COL9A3: variants seen among roughly 807,000 people sequenced by gnomAD.
COL9A3 encodes the protein collagen type IX alpha 3 chain.
A neutral mutation model predicts 110.2 loss-of-function variants in COL9A3; 82 were observed. The ratio of observed to expected loss-of-function variants is 0.74; its 90% confidence interval spans 0.62 to 0.89. The LOEUF (loss-of-function observed/expected upper bound fraction) is 0.89, where lower values mean the gene tolerates loss of function less well. COL9A3 is among the 40% of genes least tolerant of loss of function. The pLI is 0.00. For synonymous variants in COL9A3, 494 were observed against 403.8 expected (o/e 1.22, Z -2.68); for missense variants, 1,066 against 981.3 (o/e 1.09, Z -1.15).
At position 62,824,970 on chromosome 20, in the gene COL9A3, A is replaced by T; in HGVS notation, c.579A>T (p.Gly193=). The change falls in exon 12 of 32, where the codon GGA becomes GGT. Residue 193 remains glycine (G), a splice_region_variant and synonymous_variant. Transcript: ENST00000649368. ...AGTGACCCCACATTTGCTTGCAGGG[A>T]CCCACTGGCTACAAAGGCGAGCAGG... is the stretch of plus-strand genomic sequence containing the variant. The part of the protein sequence containing the change: ...PGPPGMPGFK[G]PTGYKGEQGE... The T allele has an allele frequency of 6.2e-7, 1 of 1,609,342 alleles. No homozygotes were observed. The highest frequency in any genetic ancestry group is 8.5e-7 in the Non-Finnish European group (1 of 1,179,038).
intron 20 of COL9A3, 56 bp downstream of exon 20, chr20:62,829,555 A>C: frequency 6.8e-7 from 1 of 1,469,308 alleles, no homozygotes; most frequent in Non-Finnish European, 9.5e-7. Flanking sequence ...CCGGGAGGCA[A>C]GGGGCTGGGG....
At chr20:62,822,887 A>C (rs2063522570) in intron 10 of COL9A3, among the ~76,000 whole-genome samples, 1 of 151,888 alleles carries the variant, frequency 6.6e-6, no homozygotes, top group Non-Finnish European at 1.5e-5. Flanking sequence ...AGGCGCATGG[A>C]GCTGTACAAA....
chr20:62,824,830 A>G, intron 11 of COL9A3, 138 bp from the exon 12 acceptor site: 1 of 944,662 alleles, frequency 1.1e-6, no homozygotes. Context: ...TTTCCCCATG[A>G]GGGCCCAGAC....
At chr20:62,821,994 A>G (rs1600791481) in intron 8 of COL9A3, 117 bp from the exon 9 acceptor site, 3 of 810,250 alleles carry the variant, frequency 3.7e-6, no homozygotes. Context: ...ACACCAGCAC[A>G]GTCCGTGGGA....
intron 29 of COL9A3, 123 bp downstream of exon 29, chr20:62,836,655 C>T (rs920291359): frequency 2.2e-5 from 24 of 1,076,240 alleles, no homozygotes; most frequent in Admixed American, 1.4e-4. Flanking sequence ...CTAGCACTCA[C>T]CCCGCCTGTT....
chr20:62,834,526 A>T (rs766892703), intron 26 of COL9A3, among the ~76,000 whole-genome samples: 4 of 152,356 alleles, frequency 2.6e-5, no homozygotes, highest in East Asian at 1.9e-4. Flanking sequence ...CGTCTGGGTG[A>T]AATAGAAACA....
rs1340921452 is a variant in COL9A3 at position 62,817,808 on chromosome 20, G to A, written c.147+173G>A. 1.8e-5 allele frequency: 12 copies of A among 661,776 alleles called. No individual in the cohort carries two copies. The Admixed American group carries it at 2.8e-4, about 16-fold the overall frequency. 41.0% of individuals were successfully genotyped at this position (661,776 alleles called of 1,614,324 possible). Reference sequence around the variant, plus strand: ...GGATGGGGGTGGCCCTGCGGGGACTGCTGGTGGGTAGGGGTGGAGGGTGTC... The same window carrying A: ...GGATGGGGGTGGCCCTGCGGGGACTACTGGTGGGTAGGGGTGGAGGGTGTC... On this transcript the variant is annotated intron_variant, in intron 2 of 31. Coordinates refer to ENST00000649368, the MANE Select transcript of COL9A3 (RefSeq NM_001853.4).
intron 25 of COL9A3, among the ~76,000 whole-genome samples, chr20:62,832,654 G>C (rs747474117): frequency 1.6e-4 from 25 of 152,278 alleles, no homozygotes; most frequent in Admixed American, 2.6e-4. Context: ...AAAAGTGTCA[G>C]GGTGGGTGGG....
rs2273079 is a variant in COL9A3, at chr20:62,817,617, C to G, written c.129C>G (p.Pro43=). ...PPGPPGPPGK[P]GQDGIDGEAG... ...GCCCCCCAGGGCCGCCCGGGAAGCC[C>G]GGCCAGGACGGCATTGACGTGAGTT... Residue 43 remains proline, a synonymous_variant, in exon 2 of 32, where the codon CCC becomes CCG. Coordinates refer to ENST00000649368, the MANE Select transcript of COL9A3 (RefSeq NM_001853.4). The G allele has an allele frequency of 7.1e-6, 11 of 1,545,412 alleles. No homozygotes were observed. Among genetic ancestry groups the G allele is most frequent in the Admixed American group, 2.0e-5 (1 of 50,252 alleles).
At chr20:62,824,411 C>A (rs774658858) in intron 10 of COL9A3, 34 bp from the exon 11 acceptor site, 4 of 1,579,102 alleles carry the variant, frequency 2.5e-6, no homozygotes, top group Non-Finnish European at 2.6e-6. Flanking sequence ...CTCTGTTTGG[C>A]TGGGAGGGGT....
chr20:62,820,127 G>A, intron 5 of COL9A3, 145 bp downstream of exon 5: 1 of 953,900 alleles, frequency 1.0e-6, no homozygotes. Context: ...GGGGCAGAAG[G>A]GCAGGGTGCC....
chr20:62,829,177 C>T (rs962586578), intron 19 of COL9A3, among the ~76,000 whole-genome samples: 1 of 152,180 alleles, frequency 6.6e-6, no homozygotes, highest in Admixed American at 6.5e-5. Context: ...CATGTGTGTG[C>T]TTATTCGTGT....
chr20:62,832,275 T>TG (rs1364834792), intron 25 of COL9A3, 86 bp downstream of exon 25: 1 of 1,414,128 alleles, frequency 7.1e-7, no homozygotes, highest in Non-Finnish European at 9.9e-7. Flanking sequence ...GCTCTGGCCC[T>TG]GGCTGTGTTT....
upstream of COL9A3, chr20:62,816,973 C>CGGGAAG (rs890094518): frequency 7.2e-5 from 48 of 668,914 alleles, no homozygotes; most frequent in Middle Eastern, 5.7e-4. Flanking sequence ...CAGGCGGGGG[C>CGGGAAG]GGGAAGGGGA....
At chr20:62,816,362 A>AG (rs1275787511), upstream of COL9A3, 1 of 152,216 alleles carries the variant, frequency 6.6e-6, no homozygotes, top group Non-Finnish European at 1.5e-5. Flanking sequence ...GATCCCGGGG[A>AG]GGGGTTCTTC....
In COL9A3 at chr20:62,840,705, G is replaced by A; in HGVS notation, c.2028G>A (p.Gly676=). ...AAGGAGCCGTGTTAGGAGGGGTCGGGGAGAAATCAGGCTCTCGAAGCTCAT... is the reference window on the plus strand; with the variant it reads ...AAGGAGCCGTGTTAGGAGGGGTCGGAGAGAAATCAGGCTCTCGAAGCTCAT... ...ACQGAVLGGV[G]EKSGSRSS The change falls in exon 32 of 32, where the codon GGG becomes GGA. Residue 676 remains glycine, a synonymous_variant. Coordinates refer to ENST00000649368, the MANE Select transcript of COL9A3 (RefSeq NM_001853.4). 6.3e-7 allele frequency: 1 copy of A among 1,586,400 alleles called. No homozygotes were observed. The highest frequency in any genetic ancestry group is 8.6e-7 in the Non-Finnish European group (1 of 1,166,080).
intron 8 of COL9A3, 79 bp from the exon 9 acceptor site, chr20:62,822,032 C>T: frequency 1.1e-6 from 1 of 929,402 alleles, no homozygotes; most frequent in East Asian, 2.4e-5. Context: ...CTGGGCGTGT[C>T]CACCTCCCTG....
intron 10 of COL9A3, 119 bp from the exon 11 acceptor site, chr20:62,824,326 C>T (rs1348361290): frequency 4.6e-6 from 5 of 1,080,824 alleles, no homozygotes; most frequent in Non-Finnish European, 5.5e-6. Flanking sequence ...GAGGAGTGGC[C>T]TCCCGGGGTC....
chr20:62,838,641 A>G, intron 30 of COL9A3, 43 bp from the exon 31 acceptor site: 8 of 1,519,346 alleles, frequency 5.3e-6, no homozygotes, highest in Non-Finnish European at 6.3e-6. Flanking sequence ...TGTGGCTGCA[A>G]CAGATACTCT....
Sources: allele counts gnomAD v4.1 joint callset (sites outside exome capture counted in the v4.1 genomes callset), GRCh38; gene constraint gnomAD v4.1.1; transcripts MANE v1.5; gene names NCBI Gene and HGNC (gene_info 2026-07-23, HGNC 2026-07-21).